IGF2BP3: variants seen among roughly 807,000 people sequenced by gnomAD.
IGF2BP3 encodes insulin like growth factor 2 mRNA binding protein 3.
A neutral mutation model predicts 73.8 loss-of-function variants in IGF2BP3; 9 were observed. The ratio of observed to expected loss-of-function variants is 0.12; its 90% CI spans 0.07 to 0.21. IGF2BP3 has a LOEUF of 0.21. Among genes scored for constraint, IGF2BP3 ranks in the 10% least tolerant of loss-of-function variants. The probability of loss-of-function intolerance (pLI) is 1.00; values close to 1 mark genes in which losing one functional copy is unlikely to be tolerated. For missense variants in IGF2BP3, 542 were observed against 714.0 expected (o/e 0.76, Z 2.75); for synonymous variants, 258 against 256.7 (o/e 1.01, Z -0.05).
At chr7:23,314,907 C>T (rs879719706) in intron 12 of IGF2BP3, among the ~76,000 whole-genome samples, 7 of 152,030 alleles carry the variant, frequency 4.6e-5, no homozygotes, top group Admixed American at 6.5e-5. Context: ...AAGCCATTCT[C>T]CTGCCTCAGC....
intron 6 of IGF2BP3, among the ~76,000 whole-genome samples, chr7:23,349,021 C>T (rs907551657): frequency 6.6e-6 from 1 of 152,208 alleles, no homozygotes; most frequent in African/African-American, 2.4e-5. Context: ...GGCAACAAAT[C>T]CTATAGAGAT....
intron 2 of IGF2BP3, among the ~76,000 whole-genome samples, chr7:23,459,046 G>A (rs1788384936): frequency 6.6e-6 from 1 of 152,304 alleles, no homozygotes; most frequent in Admixed American, 6.5e-5. Context: ...GAATCCTTTG[G>A]TAAAGCATCT....
intron 10 of IGF2BP3, among the ~76,000 whole-genome samples, chr7:23,341,683 A>G: frequency 6.6e-6 from 1 of 152,160 alleles, no homozygotes; most frequent in Non-Finnish European, 1.5e-5. Context: ...AAACTTTTAA[A>G]TAACCACCAT....
rs1214986761 is a variant in IGF2BP3, at chr7:23,403,961, AC to A, written c.285+14814del. On this transcript the variant is annotated intron_variant, in intron 3 of 14. Coordinates refer to ENST00000258729, the MANE Select transcript of IGF2BP3 (RefSeq NM_006547.3). ...AATGTAGCAAGACCCTGTTTGTAAA[AC>A]AAAAAAAAAAATTTTTTTTTTTTTA... Among the ~76,000 whole-genome samples, 22 of 151,122 alleles carry A rather than the reference AC, an allele frequency of 1.5e-4. 1 individual carries two copies. Among genetic ancestry groups the A allele is most frequent in the Admixed American group, 9.9e-4 (15 of 15,208 alleles).
chr7:23,361,767 T>C (rs747380652), intron 3 of IGF2BP3, 26 bp from the exon 4 acceptor site: 20 of 1,585,422 alleles, frequency 1.3e-5, no homozygotes, highest in Non-Finnish European at 1.7e-5. Flanking sequence ...GAGAAAATTA[T>C]AAATTTTGAG....
At chr7:23,320,082 T>TG (rs1253748314) in intron 10 of IGF2BP3, among the ~76,000 whole-genome samples, 1 of 152,022 alleles carries the variant, frequency 6.6e-6, no homozygotes, top group East Asian at 1.9e-4. Flanking sequence ...GGCTAATTTT[T>TG]TTTTTTTTTT....
intron 2 of IGF2BP3, among the ~76,000 whole-genome samples, chr7:23,433,529 A>G (rs1034746372): frequency 1.3e-5 from 2 of 150,318 alleles, no homozygotes; most frequent in Non-Finnish European, 3.0e-5. Flanking sequence ...TCTCTCGCCC[A>G]AACTGTAGTG....
chr7:23,351,696 T>C, intron 5 of IGF2BP3, 110 bp from the exon 6 acceptor site: 5 of 1,174,068 alleles, frequency 4.3e-6, no homozygotes, highest in South Asian at 3.0e-5. Flanking sequence ...TCTAAACTTC[T>C]GAGTGAAGCC....
chr7:23,327,032 C>T (rs893505449), intron 10 of IGF2BP3, among the ~76,000 whole-genome samples: 2 of 151,272 alleles, frequency 1.3e-5, no homozygotes, highest in Non-Finnish European at 2.9e-5. Context: ...CTAACCTGCA[C>T]ATTGTGCACA....
chr7:23,452,214 C>T (rs1002756425), intron 2 of IGF2BP3, among the ~76,000 whole-genome samples: 15 of 152,016 alleles, frequency 9.9e-5, no homozygotes, highest in African/African-American at 3.6e-4. Context: ...CCGTGTTAGC[C>T]AGGATGGTCT....
intron 2 of IGF2BP3, among the ~76,000 whole-genome samples, chr7:23,461,408 C>G (rs1468999419): frequency 6.6e-6 from 1 of 152,178 alleles, no homozygotes; most frequent in Non-Finnish European, 1.5e-5. Context: ...GCCTACTAAC[C>G]TTCTTCACTT....
chr7:23,469,356 G>C lies in IGF2BP3; in HGVS notation c.175+580C>G, dbSNP rs991554056. 2.0e-5 allele frequency: 3 copies of C among 152,190 alleles called. No homozygotes were observed. The highest frequency in any genetic ancestry group is 6.5e-5 in the Admixed American group (1 of 15,284). The allele number at this position is 152,190 out of a possible 1,614,324, so 9.4% of individuals were successfully genotyped here. ...CTGCCCCTATCGCTCGTCGGACCAG[G>C]GGAGGTGGAACGGGGAAACCGGGCA... On this transcript the variant is annotated intron_variant, in intron 1 of 14. Transcript: ENST00000258729. This position sits in a 1 kb window ranked among gnomAD's most constrained non-coding sequence, Gnocchi z 6.1.
chr7:23,339,090 T>C (rs772927947), intron 10 of IGF2BP3, among the ~76,000 whole-genome samples: 7 of 152,280 alleles, frequency 4.6e-5, no homozygotes, highest in Admixed American at 1.3e-4. Context: ...GCTCTTGCCC[T>C]GTGGCAGTGT....
At chr7:23,468,675 T>C in intron 1 of IGF2BP3, 133 bp from the exon 2 acceptor site, 1 of 864,336 alleles carries the variant, frequency 1.2e-6, no homozygotes. Context: ...CGGACGCGGC[T>C]CCAGGCGGAG....
intron 10 of IGF2BP3, among the ~76,000 whole-genome samples, chr7:23,322,794 A>G (rs2128494061): frequency 1.3e-5 from 2 of 152,354 alleles, no homozygotes; most frequent in South Asian, 4.1e-4. Context: ...AGAATTTTCA[A>G]CCCAGAATTT....
chr7:23,374,990 T>G (rs750454784), intron 3 of IGF2BP3, among the ~76,000 whole-genome samples: 2 of 152,222 alleles, frequency 1.3e-5, no homozygotes, highest in African/African-American at 4.8e-5. Flanking sequence ...TTTTATATTA[T>G]GTGAATTTCT....
intron 2 of IGF2BP3, among the ~76,000 whole-genome samples, chr7:23,451,746 C>G (rs559806005): frequency 3.3e-5 from 5 of 151,800 alleles, no homozygotes; most frequent in Non-Finnish European, 7.4e-5. Context: ...GTCAGGAGCT[C>G]GAGACCAGCC....
At chr7:23,430,057 T>C (rs947145426) in intron 2 of IGF2BP3, among the ~76,000 whole-genome samples, 1 of 151,810 alleles carries the variant, frequency 6.6e-6, no homozygotes, top group Non-Finnish European at 1.5e-5. Context: ...GAAAACCAAG[T>C]CTAACTTGTA....
intron 10 of IGF2BP3, among the ~76,000 whole-genome samples, chr7:23,322,718 A>C (rs548347842): frequency 6.6e-6 from 1 of 152,322 alleles, no homozygotes; most frequent in Non-Finnish European, 1.5e-5. Context: ...CTAACAGCAG[A>C]TCTCTCAGCA....
Sources: allele counts gnomAD v4.1 joint callset (sites outside exome capture counted in the v4.1 genomes callset), GRCh38; gene constraint gnomAD v4.1.1; non-coding constraint Gnocchi (gnomAD v3.1); transcripts MANE v1.5; gene names NCBI Gene and HGNC (gene_info 2026-07-23, HGNC 2026-07-21).